The following NR1H2 variants were observed in gnomAD, a reference collection of about 807,000 sequenced individuals.
NR1H2 encodes the protein nuclear receptor subfamily 1 group H member 2.
In NR1H2, 33 loss-of-function variants were observed where a neutral mutation model predicts 51.2. The observed-to-expected ratio is 0.64, with a 90% CI of 0.49 to 0.86. The LOEUF (loss-of-function observed/expected upper bound fraction) is 0.86, where lower values mean the gene tolerates loss of function less well. NR1H2 is among the 40% of genes least tolerant of loss of function. The pLI is 0.00. For synonymous variants in NR1H2, 310 were observed against 264.3 expected (o/e 1.17, Z -1.68); for missense variants, 592 against 639.9 (o/e 0.93, Z 0.81).
At chr19:50,382,209 T>C in intron 9 of NR1H2, 35 bp downstream of exon 9, 1 of 1,483,572 alleles carries the variant, frequency 6.7e-7, no homozygotes, top group Non-Finnish European at 9.0e-7. Flanking sequence ...CAGAGCCAAC[T>C]ACGTCCCGCG....
rs755067218 is a variant in NR1H2, at chr19:50,378,167, A to G, written c.200A>G (p.Glu67Gly). The change falls in exon 5 of 10, where the codon GAG becomes GGG. Residue 67 changes from glutamate (E) to glycine (G), a missense_variant. Transcript: ENST00000253727. ...ACCCCAGTCATCCCAGATCCCGAAG[A>G]GGAACCAGAGCGCAAGCGAAAGAAG... The part of the protein sequence containing the change: ...STDWVIPDPE[E>G]EPERKRKKGP... The G allele has an allele frequency of 3.7e-6, 6 of 1,610,234 alleles. No homozygotes were observed. The East Asian group carries it at 1.3e-4, about 36-fold the overall frequency.
rs905613629 is a variant in NR1H2 at position 50,382,274 on chromosome 19, CAG to C, written c.1236+103_1236+104del. The stretch of plus-strand genomic sequence containing the variant: ...GCCAGCCACACTGCCCTCCCCTCCG[CAG>C]AGTCTTTCCTCAGGCCCCACCCTGC... On this transcript the variant is annotated intron_variant, in intron 9 of 9. Transcript: ENST00000253727. The C allele has an allele frequency of 3.2e-5, 43 of 1,352,440 alleles. No individual in the cohort carries two copies. In the East Asian group the frequency reaches 3.3e-4, roughly 10 times the overall value. The allele number at this position is 1,352,440 out of a possible 1,614,324, so 83.8% of individuals were successfully genotyped here. A position where few individuals can be genotyped will look rare whatever the true frequency, so the allele number is the denominator to read the frequency against.
chr19:50,379,737 A>C, intron 7 of NR1H2, 43 bp from the exon 8 acceptor site: 1 of 1,271,258 alleles, frequency 7.9e-7, no homozygotes, highest in South Asian at 1.2e-5. Flanking sequence ...TAGCAGCTGA[A>C]GGGTCACAGG....
intron 8 of NR1H2, among the ~76,000 whole-genome samples, chr19:50,381,759 C>T (rs750130784): frequency 1.3e-5 from 2 of 152,214 alleles, no homozygotes; most frequent in East Asian, 1.9e-4. Flanking sequence ...AACATGCACC[C>T]TCATTCATTC....
chr19:50,380,037 G>A (rs1034233172), intron 8 of NR1H2, among the ~76,000 whole-genome samples, 158 bp downstream of exon 8: 1 of 152,208 alleles, frequency 6.6e-6, no homozygotes, highest in Non-Finnish European at 1.5e-5. Flanking sequence ...TGTGCCACGT[G>A]TGGTGGTGCA....
At chr19:50,380,118 C>A (rs1880917) in intron 8 of NR1H2, among the ~76,000 whole-genome samples, 1 of 152,124 alleles carries the variant, frequency 6.6e-6, no homozygotes, top group Non-Finnish European at 1.5e-5. Flanking sequence ...CGTGATTGTG[C>A]GACGGCATTC....
In NR1H2 at chr19:50,381,844, T is replaced by A. The variant is rs187686894; in HGVS notation, c.1028-122T>A. On this transcript the variant is annotated intron_variant, in intron 8 of 9. Coordinates refer to ENST00000253727, the MANE Select transcript of NR1H2 (RefSeq NM_007121.7). ...GGCACGGGGCACAGGTGGACAGAAA[T>A]GACAAGAACGCTGTAATTACTGCTG... The A allele has an allele frequency of 8.6e-4, 725 of 845,118 alleles. 2 individuals carry two copies. The African/African-American group carries it at 0.011, about 13-fold the overall frequency. The allele number at this position is 845,118 out of a possible 1,614,324, so 52.4% of individuals were successfully genotyped here. A position where few individuals can be genotyped will look rare whatever the true frequency, so the allele number is the denominator to read the frequency against.
Position 50,376,513 on chromosome 19 carries a change from G to A in NR1H2, c.-191G>A, listed in dbSNP as rs977612174. On this transcript the variant is annotated 5_prime_UTR_variant, in exon 1 of 10. Transcript: ENST00000253727. ...GGCGAAGTTACTTTTGAGGGTATTT[G>A]AGTAGCGGCGGTGTGTCAGGGGCTA... 2 of 152,320 alleles carry A rather than the reference G, an allele frequency of 1.3e-5. No individual in the cohort carries two copies. Among genetic ancestry groups the A allele is most frequent in the South Asian group, 4.1e-4 (2 of 4,846 alleles). The allele number at this position is 152,320 out of a possible 1,614,324, so 9.4% of individuals were successfully genotyped here.
At chr19:50,381,220 G>C (rs990783488) in intron 8 of NR1H2, among the ~76,000 whole-genome samples, 2 of 152,224 alleles carry the variant, frequency 1.3e-5, no homozygotes, top group African/African-American at 4.8e-5. Context: ...TTTTAACACT[G>C]AAAGTCTCAT....
rs1568594145 is a variant in NR1H2, at chr19:50,378,245, A to G, written c.278A>G (p.Lys93Arg). 6.2e-7 allele frequency: 1 copy of G among 1,613,532 alleles called. No homozygotes were observed. Among genetic ancestry groups the G allele is most frequent in the South Asian group, 1.1e-5 (1 of 91,092 alleles). ...GAGCTTTGCCGTGTCTGTGGGGACA[A>G]GGCCTCCGGCTTCCACTACAACGTG... ...GHELCRVCGD[K>R]ASGFHYNVLS... Residue 93 changes from lysine to arginine, a missense_variant, in exon 5 of 10, where the codon AAG (lysine) becomes AGG (arginine). Transcript: ENST00000253727.
Position 50,379,879 on chromosome 19 carries a change from G to A in NR1H2, c.1027G>A (p.Gly343Ser). Residue 343 changes from glycine to serine, a missense_variant and splice_region_variant, in exon 8 of 10, where the codon GGC becomes AGC. By Grantham distance (56) the Gly-to-Ser change is moderately conservative. Transcript: ENST00000253727. ...CAGCAAGGACGACTTCCACCGTGCA[G>A]GTAGGGCCCAGGGGAGGCTTCGGGG... is the stretch of plus-strand genomic sequence containing the variant. The part of the protein sequence containing the change: ...TYSKDDFHRA[G>S]LQVEFINPIF... The A allele has an allele frequency of 1.2e-6, 2 of 1,610,042 alleles. No individual in the cohort carries two copies. Among genetic ancestry groups the A allele is most frequent in the Non-Finnish European group, 1.7e-6 (2 of 1,176,380 alleles).
At chr19:50,378,941 G>A in intron 6 of NR1H2, 61 bp from the exon 7 acceptor site, 1 of 1,555,348 alleles carries the variant, frequency 6.4e-7, no homozygotes. Flanking sequence ...TGGCCTCAAG[G>A]TGGCCACCCA....
rs969520741 is a variant in NR1H2 at position 50,382,664 on chromosome 19, C to A, written c.*62C>A. ...ACCCTCCAGCAGATAGACGCCGGCA[C>A]CCCTTCCTCTTCCTAGGGTGGAAGG... On this transcript the variant is annotated 3_prime_UTR_variant, in exon 10 of 10. Coordinates refer to ENST00000253727, the MANE Select transcript of NR1H2 (RefSeq NM_007121.7). 1.6e-5 allele frequency: 24 copies of A among 1,484,084 alleles called. No homozygotes were observed. The African/African-American group carries it at 2.7e-4, about 17-fold the overall frequency. The allele number at this position is 1,484,084 out of a possible 1,614,324, so 91.9% of individuals were successfully genotyped here. A position where few individuals can be genotyped will look rare whatever the true frequency, so the allele number is the denominator to read the frequency against.
Position 50,378,041 on chromosome 19 carries a change from C to T in NR1H2, c.182-108C>T, listed in dbSNP as rs930255705. On this transcript the variant is annotated intron_variant, in intron 4 of 9. Coordinates refer to ENST00000253727, the MANE Select transcript of NR1H2 (RefSeq NM_007121.7). ...TCCCTGAATGTGAGCAGCAACTCCTCTCTCCCTCCATCCTCTGGCTCTTTG... is the reference window on the plus strand; with the variant it reads ...TCCCTGAATGTGAGCAGCAACTCCTTTCTCCCTCCATCCTCTGGCTCTTTG... 7.0e-5 allele frequency: 99 copies of T among 1,412,478 alleles called. No homozygotes were observed. In the Middle Eastern group the frequency reaches 1.2e-3, roughly 18 times the overall value. 87.5% of individuals were successfully genotyped at this position (1,412,478 alleles called of 1,614,324 possible).
intron 2 of NR1H2, among the ~76,000 whole-genome samples, chr19:50,377,073 G>A (rs2037678543): frequency 6.7e-6 from 1 of 148,646 alleles, no homozygotes; most frequent in African/African-American, 2.5e-5. Context: ...TTGTGGGGGT[G>A]AGGCTTGGAG....
intron 7 of NR1H2, 140 bp downstream of exon 7, chr19:50,379,321 A>G (rs1257173053): frequency 2.0e-6 from 2 of 984,678 alleles, no homozygotes; most frequent in East Asian, 2.6e-5. Flanking sequence ...CAAGGAGAGA[A>G]AGGAAAAAGG....
intron 2 of NR1H2, chr19:50,377,356 T>G: frequency 2.1e-6 from 1 of 465,208 alleles, no homozygotes; most frequent in Non-Finnish European, 3.8e-6. Context: ...GGGCGGGGCC[T>G]ACAGCAGGGG....
Position 50,382,808 on chromosome 19 carries a change from G to C in NR1H2, c.*206G>C. The C allele has an allele frequency of 2.0e-6, 1 of 506,290 alleles. No homozygotes were observed. The highest frequency in any genetic ancestry group is 3.4e-6 in the Non-Finnish European group (1 of 295,044). 31.4% of individuals were successfully genotyped at this position (506,290 alleles called of 1,614,324 possible). On this transcript the variant is annotated 3_prime_UTR_variant, in exon 10 of 10. Transcript: ENST00000253727. Reference sequence around the variant, plus strand: ...TTCCAGAAGGGGTGAAAGGGTTGCAGGTCCCGACCACTGACCCTTCCCGGC... The same window carrying C: ...TTCCAGAAGGGGTGAAAGGGTTGCACGTCCCGACCACTGACCCTTCCCGGC...
intron 9 of NR1H2, 137 bp from the exon 10 acceptor site, chr19:50,382,319 C>A: frequency 7.4e-7 from 1 of 1,350,580 alleles, no homozygotes; most frequent in South Asian, 1.4e-5. Context: ...GGAGCCAGGT[C>A]TAGTCCAAGC....
Sources: gnomAD v4.1 joint callset for allele counts (sites outside exome capture counted in the v4.1 genomes callset) on GRCh38, gnomAD v4.1.1 for gene constraint, MANE v1.5 for transcripts, NCBI Gene and HGNC (gene_info 2026-07-23, HGNC 2026-07-21) for gene names.